The following NRXN3 variants were observed in gnomAD, a reference collection of about 807,000 sequenced individuals.
NRXN3 encodes neurexin 3.
Under a neutral mutation model 137.6 loss-of-function variants are expected in NRXN3, and 32 were observed. The ratio of observed to expected loss-of-function variants is 0.23; its 90% CI spans 0.18 to 0.31. The LOEUF is 0.31. NRXN3 is among the 10% of genes least tolerant of loss of function. NRXN3 has a pLI of 1.00. For synonymous variants in NRXN3, 798 were observed against 784.5 expected, an observed-to-expected ratio of 1.02 and a Z score of -0.29; for missense variants, 1,574 against 2,062.5, an observed-to-expected ratio of 0.76 and a Z score of 4.59.
At chr14:79,767,972 G>C (rs1290459078) in intron 19 of NRXN3, among the ~76,000 whole-genome samples, 1 of 152,232 alleles carries the variant, frequency 6.6e-6, no homozygotes, top group Non-Finnish European at 1.5e-5. Flanking sequence ...AGCGCAAGGG[G>C]TCAGGGAGTT....
intron 4 of NRXN3, among the ~76,000 whole-genome samples, chr14:78,583,293 A>G (rs927975788): frequency 6.6e-6 from 1 of 152,172 alleles, no homozygotes; most frequent in African/African-American, 2.4e-5. Flanking sequence ...GTCCACTAAA[A>G]TATTAAATGT....
At chr14:78,196,300 G>A (rs775268889) in intron 1 of NRXN3, among the ~76,000 whole-genome samples, 4 of 152,218 alleles carry the variant, frequency 2.6e-5, no homozygotes, top group Non-Finnish European at 5.9e-5. Context: ...CTTAGACAAG[G>A]GCTCCTTAAA....
chr14:79,538,010 T>A (rs2097230881), intron 16 of NRXN3, among the ~76,000 whole-genome samples: 1 of 152,218 alleles, frequency 6.6e-6, no homozygotes. Flanking sequence ...GGTGTCTCAT[T>A]GTGGTTTTGA....
chr14:78,870,890 G>A (rs1596722278), intron 10 of NRXN3, among the ~76,000 whole-genome samples: 1 of 151,344 alleles, frequency 6.6e-6, no homozygotes, highest in African/African-American at 2.4e-5. Context: ...CAAATGACAG[G>A]ATTTCAGTTT....
chr14:79,375,092 C>T lies in NRXN3; in HGVS notation c.3263-92129C>T, dbSNP rs569025054. On this transcript the variant is annotated intron_variant, in intron 15 of 20. Transcript: ENST00000335750. Reference sequence around the variant, plus strand: ...CCTGATTAAAAAATGGATGTGAGCTCATTTTACCTTTACGGAGGTCCAGAG... The same window carrying T: ...CCTGATTAAAAAATGGATGTGAGCTTATTTTACCTTTACGGAGGTCCAGAG... Among the ~76,000 whole-genome samples, 5 of 152,216 alleles carry T rather than the reference C, an allele frequency of 3.3e-5. No homozygotes were observed. The East Asian group carries it at 9.7e-4, about 29-fold the overall frequency.
At chr14:79,543,860 A>C (rs1466520977) in intron 16 of NRXN3, among the ~76,000 whole-genome samples, 1 of 152,210 alleles carries the variant, frequency 6.6e-6, no homozygotes, top group Non-Finnish European at 1.5e-5. Flanking sequence ...AGAAGCCAAC[A>C]GTCTGGTGTG....
chr14:79,575,052 A>T (rs1214032321), intron 16 of NRXN3, among the ~76,000 whole-genome samples: 1 of 152,112 alleles, frequency 6.6e-6, no homozygotes, highest in Non-Finnish European at 1.5e-5. Context: ...AAATTTGAGG[A>T]TCTTATACTT....
chr14:78,210,326 C>G (rs2062621331), intron 1 of NRXN3, among the ~76,000 whole-genome samples: 1 of 152,100 alleles, frequency 6.6e-6, no homozygotes, highest in African/African-American at 2.4e-5. Flanking sequence ...GCTGTAAGGG[C>G]ACTAATCCCA....
chr14:79,421,185 G>A (rs1229591579), intron 15 of NRXN3, among the ~76,000 whole-genome samples: 1 of 152,058 alleles, frequency 6.6e-6, no homozygotes, highest in Non-Finnish European at 1.5e-5. Flanking sequence ...GTGTAAAAAG[G>A]GTATACTTCA....
At chr14:79,460,191 G>GC (rs1430414039) in intron 15 of NRXN3, among the ~76,000 whole-genome samples, 1 of 152,024 alleles carries the variant, frequency 6.6e-6, no homozygotes, top group African/African-American at 2.4e-5. Context: ...ATGGAACATC[G>GC]CAATAGTTGG....
At chr14:78,866,847 G>T (rs1177823293) in intron 10 of NRXN3, among the ~76,000 whole-genome samples, 2 of 146,332 alleles carry the variant, frequency 1.4e-5, no homozygotes, top group Non-Finnish European at 3.0e-5. Context: ...GCCCAGGCTG[G>T]AGTACAGTGG....
chr14:79,092,213 A>G (rs1174044668), intron 15 of NRXN3, among the ~76,000 whole-genome samples: 1 of 152,198 alleles, frequency 6.6e-6, no homozygotes, highest in African/African-American at 2.4e-5. Flanking sequence ...ACAGTTGACT[A>G]TTAGGATACA....
intron 2 of NRXN3, among the ~76,000 whole-genome samples, chr14:78,259,876 C>T (rs1212733997): frequency 1.3e-5 from 2 of 152,088 alleles, no homozygotes; most frequent in Non-Finnish European, 2.9e-5. Flanking sequence ...GCTTATCTAG[C>T]GTAAGTCAGA....
At chr14:79,711,196 C>A (rs1239611087) in intron 19 of NRXN3, among the ~76,000 whole-genome samples, 1 of 152,092 alleles carries the variant, frequency 6.6e-6, no homozygotes, top group Non-Finnish European at 1.5e-5. Flanking sequence ...TGGCAAATAT[C>A]TTCTTGTGTT....
At chr14:78,742,962 A>G (rs935276252) in intron 8 of NRXN3, among the ~76,000 whole-genome samples, 1 of 152,222 alleles carries the variant, frequency 6.6e-6, no homozygotes, top group African/African-American at 2.4e-5. Context: ...TACTCCTTTT[A>G]TTATTAATCA....
chr14:78,541,429 A>G (rs2096588515), intron 4 of NRXN3, among the ~76,000 whole-genome samples: 1 of 152,170 alleles, frequency 6.6e-6, no homozygotes, highest in African/African-American at 2.4e-5. Context: ...TTGTGTATGC[A>G]TCATGAAGTT....
chr14:78,201,573 G>A (rs946125523), intron 1 of NRXN3, among the ~76,000 whole-genome samples: 1 of 152,218 alleles, frequency 6.6e-6, no homozygotes. Flanking sequence ...AGCAGGGGGA[G>A]CCTGCATCGA....
chr14:78,349,214 C>T (rs1052926979), intron 4 of NRXN3, among the ~76,000 whole-genome samples: 6 of 152,198 alleles, frequency 3.9e-5, no homozygotes, highest in South Asian at 2.1e-4. Flanking sequence ...TGCCTGCTAA[C>T]GAATATTGGT....
At chr14:79,176,890 C>A (rs1227042208) in intron 15 of NRXN3, among the ~76,000 whole-genome samples, 3 of 152,206 alleles carry the variant, frequency 2.0e-5, no homozygotes, top group African/African-American at 7.2e-5. Context: ...TCACTGGCTT[C>A]ATCACAGGAT....
Sources: gnomAD v4.1 joint callset for allele counts (sites outside exome capture counted in the v4.1 genomes callset) on GRCh38, gnomAD v4.1.1 for gene constraint, MANE v1.5 for transcripts, NCBI Gene and HGNC (gene_info 2026-07-23, HGNC 2026-07-21) for gene names.